WDR87: variants seen among roughly 807,000 people sequenced by gnomAD.
WDR87 encodes the protein WD repeat-containing protein 87.
In WDR87, 56 loss-of-function variants were observed where a neutral mutation model predicts 83.3. The observed-to-expected ratio is 0.67, with a 90% CI of 0.54 to 0.84. The LOEUF is 0.84. Ranked by LOEUF, WDR87 falls within the 40% of genes least tolerant of loss-of-function variation. The pLI is 0.00. For missense variants in WDR87, 2,939 were observed against 3,431.9 expected (o/e 0.86, Z 3.59); for synonymous variants, 1,173 against 1,250.6 (o/e 0.94, Z 1.31).
chr19:37,902,665 G>A (rs1480829031), intron 1 of WDR87, among the ~76,000 whole-genome samples: 2 of 152,224 alleles, frequency 1.3e-5, no homozygotes, highest in African/African-American at 4.8e-5. Flanking sequence ...GTTGACACTG[G>A]AACTATATTC....
At chr19:37,897,753 C>T (rs938614732) in intron 2 of WDR87, among the ~76,000 whole-genome samples, 16 of 152,002 alleles carry the variant, frequency 1.1e-4, no homozygotes, top group African/African-American at 3.9e-4. Context: ...GGCGTGGTGG[C>T]GTGCGCCTGT....
At chr19:37,895,909 C>T (rs533960615) in intron 3 of WDR87, 32 of 537,620 alleles carry the variant, frequency 6.0e-5, no homozygotes, top group African/African-American at 2.7e-4. Flanking sequence ...ATTGGAAATA[C>T]GGTAGAGGCA....
intron 1 of WDR87, among the ~76,000 whole-genome samples, chr19:37,902,856 C>T (rs982101925): frequency 1.3e-5 from 2 of 152,134 alleles, no homozygotes; most frequent in Non-Finnish European, 2.9e-5. Context: ...TGCTCTGTTA[C>T]AGGTGAGTGT....
At position 37,885,256 on chromosome 19, in the gene WDR87, G is replaced by T; in HGVS notation, c.8415C>A (p.Pro2805=). ...QLMDLYQLKS[P]RIQKLLQELL... is the part of the protein sequence containing the mutation. ...GCTCCTGAAGCAGCTTCTGGATTCT[G>T]GGGGACTTAAGTTGGTACAGGTCCA... The change falls in exon 6 of 6, where the codon CCC becomes CCA. Residue 2805 remains proline, a synonymous_variant. Transcript: ENST00000447313. The T allele has an allele frequency of 6.6e-7, 1 of 1,520,410 alleles. No individual in the cohort carries two copies. The highest frequency in any genetic ancestry group is 8.8e-7 in the Non-Finnish European group (1 of 1,134,246). The allele number at this position is 1,520,410 out of a possible 1,614,324, so 94.2% of individuals were successfully genotyped here.
Position 37,888,836 on chromosome 19 carries a change from T to A in WDR87, c.4835A>T (p.Lys1612Ile). ...EEQRHIQEEH[K>I]WARIHRKRAR... is the part of the protein sequence containing the mutation. ...TCGTTTCCTGTGTATTCTGGCCCATTTGTGTTCTTCTTGGATGTGTCTCTG... is the reference window on the plus strand; with the variant it reads ...TCGTTTCCTGTGTATTCTGGCCCATATGTGTTCTTCTTGGATGTGTCTCTG... The change falls in exon 6 of 6, where the codon AAA becomes ATA. Residue 1612 changes from lysine (K) to isoleucine (I), a missense_variant. By Grantham distance (102) the Lys-to-Ile change is moderately radical (BLOSUM62 -3). Around this residue, in one of 3 missense-constraint regions of WDR87, gnomAD observed 2,160 missense variants for 2,533.1 expected, o/e 0.85. Transcript: ENST00000447313. 1.9e-6 allele frequency: 3 copies of A among 1,551,950 alleles called. No homozygotes were observed. Among genetic ancestry groups the A allele is most frequent in the Non-Finnish European group, 2.6e-6 (3 of 1,147,040 alleles).
At position 37,894,485 on chromosome 19, in the gene WDR87, G is replaced by C. The variant is rs1463219857; in HGVS notation, c.1218C>G (p.Phe406Leu). ...AATCCACAGCCTGGTCCAGGATTGA[G>C]AAGGGCCAGGTGATAACCAGAAGGT... is the stretch of plus-strand genomic sequence containing the variant. ...TGDLLVITWP[F>L]SILDQAVDWA... Residue 406 changes from phenylalanine to leucine, a missense_variant, in exon 4 of 6, where the codon TTC becomes TTG. Physicochemically the swap from Phe to Leu is conservative, Grantham distance 22 (BLOSUM62 0). Coordinates refer to ENST00000447313, the MANE Select transcript of WDR87 (RefSeq NM_001291088.2). 1 of 1,551,758 alleles carries C rather than the reference G, an allele frequency of 6.4e-7. No individual in the cohort carries two copies. Among genetic ancestry groups the C allele is most frequent in the Non-Finnish European group, 8.7e-7 (1 of 1,147,014 alleles).
At chr19:37,891,458 C>T (rs975454010) in intron 5 of WDR87, 94 bp downstream of exon 5, 17 of 1,453,944 alleles carry the variant, frequency 1.2e-5, no homozygotes, top group African/African-American at 2.9e-5. Context: ...CATCATGTCC[C>T]GCCAGCCCAC....
In WDR87 at chr19:37,889,616, T is replaced by A. The variant is rs1317013728; in HGVS notation, c.4055A>T (p.Glu1352Val). 1.9e-6 allele frequency: 3 copies of A among 1,551,880 alleles called. No individual in the cohort carries two copies. The highest frequency in any genetic ancestry group is 4.9e-5 in the East Asian group (2 of 40,912). The change falls in exon 6 of 6, where the codon GAG becomes GTG. Residue 1352 changes from glutamate to valine, a missense_variant. Transcript: ENST00000447313. ...EDLDWDVVPP[E>V]KKPIFIQEGA... ...TTCCTGGATAAAAATTGGTTTCTTC[T>A]CTGGCGGGACTACATCCCAATCAAG...
In WDR87 at chr19:37,887,604, G is replaced by A. The variant is rs760446116; in HGVS notation, c.6067C>T (p.Leu2023=). The change falls in exon 6 of 6, where the codon CTG becomes TTG. Residue 2023 remains leucine, a synonymous_variant. Coordinates refer to ENST00000447313, the MANE Select transcript of WDR87 (RefSeq NM_001291088.2). ...GTTTCTGGAGTCTCTCCCTTAGACA[G>A]TGTTTCTTTTCCCTCAACCAGTCTC... ...KMRLVEGKET[L]SKGETPETSR... 1.3e-6 allele frequency: 2 copies of A among 1,551,974 alleles called. No individual in the cohort carries two copies. The highest frequency in any genetic ancestry group is 1.7e-6 in the Non-Finnish European group (2 of 1,147,050).
intron 1 of WDR87, among the ~76,000 whole-genome samples, chr19:37,904,433 A>C (rs535690987): frequency 6.7e-6 from 1 of 149,320 alleles, no homozygotes; most frequent in Non-Finnish European, 1.5e-5. Context: ...ATCTTGGCTC[A>C]CTGCAACTTC....
chr19:37,906,546 G>A lies in WDR87; in HGVS notation c.-94C>T, dbSNP rs1439945479. 4 of 152,118 alleles carry A rather than the reference G, an allele frequency of 2.6e-5. No individual in the cohort carries two copies. Among genetic ancestry groups the A allele is most frequent in the Admixed American group, 1.3e-4 (2 of 15,278 alleles). 9.4% of individuals were successfully genotyped at this position (152,118 alleles called of 1,614,324 possible). A position where few individuals can be genotyped will look rare whatever the true frequency, so the allele number is the denominator to read the frequency against. On this transcript the variant is annotated 5_prime_UTR_variant, in exon 1 of 6. Coordinates refer to ENST00000447313, the MANE Select transcript of WDR87 (RefSeq NM_001291088.2). ...GGACGGGTACGGCGTGTGCACTCAG[G>A]AGCTCCTAGAGCTAGGGGCAGCAAC...
Position 37,894,850 on chromosome 19 carries a change from CT to C in WDR87, c.852del (p.Gly285GlufsTer2). The C allele has an allele frequency of 6.4e-7, 1 of 1,551,748 alleles. No homozygotes were observed. The highest frequency in any genetic ancestry group is 2.0e-5 in the Admixed American group (1 of 51,008). On this transcript the variant is annotated frameshift_variant, in exon 4 of 6. Transcript: ENST00000447313. LOFTEE classifies it high-confidence loss of function. ...GGTCGGCTGCGGATACAGATCACTC[CT>C]GATTGATGGGCCTGGAAACTGTGGA... The part of the protein sequence containing the change: ...HPLHSFQAHQ[S>X]GVICIRSRPE...
In WDR87 at chr19:37,894,495, G is replaced by A. The variant is rs2046236262; in HGVS notation, c.1208C>T (p.Thr403Ile). ...SPVTGDLLVI[T>I]WPFSILDQAV... Reference sequence around the variant, plus strand: ...CTGGTCCAGGATTGAGAAGGGCCAGGTGATAACCAGAAGGTCCCCTGTTAC... The same window carrying A: ...CTGGTCCAGGATTGAGAAGGGCCAGATGATAACCAGAAGGTCCCCTGTTAC... The change falls in exon 4 of 6, where the codon ACC (threonine) becomes ATC (isoleucine). Residue 403 changes from threonine (T) to isoleucine (I), a missense_variant. Around this residue, in one of 3 missense-constraint regions of WDR87, gnomAD observed 553 missense variants for 577.9 expected, o/e 0.96. Coordinates refer to ENST00000447313, the MANE Select transcript of WDR87 (RefSeq NM_001291088.2). 1.3e-6 allele frequency: 2 copies of A among 1,551,618 alleles called. No homozygotes were observed. The highest frequency in any genetic ancestry group is 2.4e-5 in the South Asian group (2 of 84,066).
intron 1 of WDR87, among the ~76,000 whole-genome samples, 192 bp downstream of exon 1, chr19:37,906,307 C>G (rs545660419): frequency 1.3e-5 from 2 of 152,264 alleles, no homozygotes; most frequent in East Asian, 3.9e-4. Context: ...AATGTGCGAT[C>G]AACAAAAGAA....
At position 37,893,690 on chromosome 19, in the gene WDR87, T is replaced by C; in HGVS notation, c.2013A>G (p.Leu671=). 1 of 1,551,864 alleles carries C rather than the reference T, an allele frequency of 6.4e-7. No individual in the cohort carries two copies. The highest frequency in any genetic ancestry group is 8.7e-7 in the Non-Finnish European group (1 of 1,147,080). The change falls in exon 4 of 6, where the codon CTA becomes CTG. Residue 671 remains leucine (L), a synonymous_variant. Coordinates refer to ENST00000447313, the MANE Select transcript of WDR87 (RefSeq NM_001291088.2). The part of the protein sequence containing the change: ...LLVTFNQSLY[L]VSCLKLLPPA... ...GGGGAAGCAATTTTAAACAGGACAC[T>C]AGGTAAAGACTCTGGTTAAAAGTCA...
Position 37,892,794 on chromosome 19 carries a change from G to A in WDR87, c.2909C>T (p.Thr970Ile). 2 of 1,551,748 alleles carry A rather than the reference G, an allele frequency of 1.3e-6. No individual in the cohort carries two copies. Among genetic ancestry groups the A allele is most frequent in the Non-Finnish European group, 1.7e-6 (2 of 1,147,004 alleles). The stretch of plus-strand genomic sequence containing the variant: ...TTCTCGGATCAGCGGGTTGGAATTG[G>A]TTGTATCATTCAGTAGCCGACGGGC... ...ETARRLLNDTTNSNPLIRELA... is the reference protein window; with the variant it reads ...ETARRLLNDTINSNPLIRELA... Residue 970 changes from threonine (T) to isoleucine (I), a missense_variant, in exon 4 of 6, where the codon ACC becomes ATC. Thr to Ile is a moderately conservative substitution (Grantham distance 89). Transcript: ENST00000447313.
rs1309857519 is a variant in WDR87, at chr19:37,894,616, A to G, written c.1087T>C (p.Ser363Pro). The change falls in exon 4 of 6, where the codon TCT becomes CCT. Residue 363 changes from serine (S) to proline (P), a missense_variant. Around this residue, in one of 3 missense-constraint regions of WDR87, gnomAD observed 553 missense variants for 577.9 expected, o/e 0.96. Transcript: ENST00000447313. ...CFYSLFNVCG[S>P]APQQLRRVCC... ...ACCCGACGCAACTGCTGGGGAGCAG[A>G]GCCACAGACATTGAAGAGGCTGTAG... is the stretch of plus-strand genomic sequence containing the variant. 1 of 1,551,628 alleles carries G rather than the reference A, an allele frequency of 6.4e-7. No homozygotes were observed. Among genetic ancestry groups the G allele is most frequent in the African/African-American group, 1.4e-5 (1 of 73,060 alleles).
Position 37,888,893 on chromosome 19 carries a change from C to G in WDR87, c.4778G>C (p.Gly1593Ala). 6.4e-7 allele frequency: 1 copy of G among 1,552,006 alleles called. No individual in the cohort carries two copies. The highest frequency in any genetic ancestry group is 8.7e-7 in the Non-Finnish European group (1 of 1,147,090). ...TGTGACCTGCTGTTCTTTTTCTTCC[C>G]CCTCCCGAGACACTTCTTCCTCCAA... is the stretch of plus-strand genomic sequence containing the variant. The part of the protein sequence containing the change: ...VTLEEEVSRE[G>A]EEKEQQVTEE... Residue 1593 changes from glycine to alanine, a missense_variant, in exon 6 of 6, where the codon GGG (glycine) becomes GCG (alanine). By Grantham distance (60) the Gly-to-Ala change is moderately conservative (BLOSUM62 0). Around this residue, in one of 3 missense-constraint regions of WDR87, gnomAD observed 2,160 missense variants for 2,533.1 expected, o/e 0.85. Coordinates refer to ENST00000447313, the MANE Select transcript of WDR87 (RefSeq NM_001291088.2).
chr19:37,904,095 G>T (rs2046308560), intron 1 of WDR87, among the ~76,000 whole-genome samples: 1 of 151,746 alleles, frequency 6.6e-6, no homozygotes, highest in Admixed American at 6.6e-5. Context: ...ATAGAGACGG[G>T]GTTTCACCAT....
Sources: allele counts gnomAD v4.1 joint callset (sites outside exome capture counted in the v4.1 genomes callset), GRCh38; gene constraint gnomAD v4.1.1; regional missense constraint gnomAD v4.1.1; transcripts MANE v1.5; gene names NCBI Gene and HGNC (gene_info 2026-07-23, HGNC 2026-07-21).